The following FRMD4B variants were observed in gnomAD, a reference collection of about 807,000 sequenced individuals.
The protein encoded by FRMD4B is FERM domain-containing protein 4B.
Under a neutral mutation model 141.5 loss-of-function variants are expected in FRMD4B, and 74 were observed. That is an observed-to-expected ratio of 0.52 (90% confidence interval 0.43 to 0.63). The LOEUF (loss-of-function observed/expected upper bound fraction) is 0.63, where lower values mean the gene tolerates loss of function less well. Ranked by LOEUF, FRMD4B falls within the 30% of genes least tolerant of loss-of-function variation. The probability of loss-of-function intolerance (pLI) is 0.00; values close to 1 mark genes in which losing one functional copy is unlikely to be tolerated. For missense variants in FRMD4B, 1,366 were observed against 1,253.4 expected (o/e 1.09, Z -1.36); for synonymous variants, 506 against 467.9 (o/e 1.08, Z -1.05).
At chr3:69,180,736 G>T (rs763038680) in intron 21 of FRMD4B, among the ~76,000 whole-genome samples, 163 bp downstream of exon 21, 2 of 152,222 alleles carry the variant, frequency 1.3e-5, no homozygotes, top group Non-Finnish European at 2.9e-5. Context: ...GAGCTGGAAA[G>T]AACTGTTTTT....
intron 1 of FRMD4B, among the ~76,000 whole-genome samples, chr3:69,466,593 C>T (rs563865402): frequency 2.6e-5 from 4 of 152,272 alleles, no homozygotes; most frequent in Non-Finnish European, 5.9e-5. Context: ...ATTGTTGAAA[C>T]CTGCATGCTG....
intron 18 of FRMD4B, among the ~76,000 whole-genome samples, chr3:69,189,222 CA>C (rs71115659): frequency 5.5e-3 from 219 of 39,784 alleles, no homozygotes; most frequent in Non-Finnish European, 7.0e-3. Flanking sequence ...AACTCCATCT[CA>C]AAAAAAAAAA....
chr3:69,491,733 C>T (rs891815035), intron 1 of FRMD4B, among the ~76,000 whole-genome samples: 1 of 152,184 alleles, frequency 6.6e-6, no homozygotes, highest in African/African-American at 2.4e-5. Context: ...CCATGAGAGA[C>T]ATCACATCCA....
intron 21 of FRMD4B, among the ~76,000 whole-genome samples, chr3:69,177,242 G>C (rs918901328): frequency 6.6e-6 from 1 of 152,160 alleles, no homozygotes; most frequent in Non-Finnish European, 1.5e-5. Flanking sequence ...AGGAGGCTGA[G>C]ACAGGAGAAA....
At chr3:69,514,438 C>A (rs1020702665) in intron 1 of FRMD4B, among the ~76,000 whole-genome samples, 1 of 151,950 alleles carries the variant, frequency 6.6e-6, no homozygotes, top group African/African-American at 2.4e-5. Context: ...GCCTGTAATC[C>A]CAACACTTTG....
intron 1 of FRMD4B, among the ~76,000 whole-genome samples, chr3:69,336,283 G>C (rs1400972028): frequency 1.3e-5 from 2 of 152,212 alleles, no homozygotes; most frequent in African/African-American, 4.8e-5. Context: ...ACTGGAGCCT[G>C]TTAGGAATAG....
chr3:69,260,170 T>A (rs1035931700), intron 5 of FRMD4B, among the ~76,000 whole-genome samples: 1 of 152,168 alleles, frequency 6.6e-6, no homozygotes, highest in Non-Finnish European at 1.5e-5. Context: ...CTGGTCTCGC[T>A]TGAGGAGCCC....
At chr3:69,338,531 A>C (rs1165056321) in intron 1 of FRMD4B, among the ~76,000 whole-genome samples, 2 of 151,730 alleles carry the variant, frequency 1.3e-5, no homozygotes, top group Non-Finnish European at 2.9e-5. Flanking sequence ...TGTCCTTTGC[A>C]ACAACATGAA....
At chr3:69,243,137 T>G (rs1168743699) in intron 7 of FRMD4B, among the ~76,000 whole-genome samples, 2 of 152,290 alleles carry the variant, frequency 1.3e-5, no homozygotes, top group East Asian at 3.9e-4. Flanking sequence ...CTGTTATCTT[T>G]GCGGTTTAAG....
chr3:69,356,262 A>G (rs745608579), intron 1 of FRMD4B, among the ~76,000 whole-genome samples: 3 of 152,186 alleles, frequency 2.0e-5, no homozygotes, highest in Non-Finnish European at 4.4e-5. Flanking sequence ...GGTATTGCCA[A>G]AGGAGATTAA....
At chr3:69,286,553 A>C (rs1169430799) in intron 5 of FRMD4B, among the ~76,000 whole-genome samples, 2 of 152,330 alleles carry the variant, frequency 1.3e-5, no homozygotes, top group South Asian at 2.1e-4. Context: ...AAATGAACAC[A>C]TAACATGCTC....
At chr3:69,234,986 T>C (rs1021340157) in intron 7 of FRMD4B, among the ~76,000 whole-genome samples, 1 of 151,040 alleles carries the variant, frequency 6.6e-6, no homozygotes, top group African/African-American at 2.4e-5. Flanking sequence ...CCACCTCTAC[T>C]AAAAATACAA....
At chr3:69,195,640 AT>A (rs2092895665) in intron 14 of FRMD4B, among the ~76,000 whole-genome samples, 1 of 152,144 alleles carries the variant, frequency 6.6e-6, no homozygotes, top group Non-Finnish European at 1.5e-5. Flanking sequence ...CCAAAGAAAA[AT>A]TTCATTTTTC....
intron 1 of FRMD4B, among the ~76,000 whole-genome samples, chr3:69,437,221 C>T (rs530033636): frequency 7.9e-5 from 12 of 151,816 alleles, no homozygotes; most frequent in East Asian, 1.9e-4. Flanking sequence ...CACAGGCACG[C>T]GCCACCATGC....
chr3:69,226,038 C>T (rs2093251179), intron 7 of FRMD4B, among the ~76,000 whole-genome samples: 1 of 152,122 alleles, frequency 6.6e-6, no homozygotes, highest in Admixed American at 6.6e-5. Flanking sequence ...CAAGCATTCC[C>T]ATGCAGTAGA....
intron 12 of FRMD4B, 48 bp downstream of exon 12, chr3:69,198,650 T>A (rs1469369167): frequency 5.7e-6 from 5 of 875,116 alleles, no homozygotes; most frequent in Non-Finnish European, 9.4e-6. Context: ...ATAGCAGCGT[T>A]ATTTGTATAG....
At chr3:69,455,763 T>A (rs1474649196) in intron 1 of FRMD4B, among the ~76,000 whole-genome samples, 7 of 152,228 alleles carry the variant, frequency 4.6e-5, no homozygotes, top group Admixed American at 2.6e-4. Flanking sequence ...CAACACTTTG[T>A]AATTCCAATT....
rs1442446412 is a variant in FRMD4B at position 69,216,486 on chromosome 3, CAGTGG to C, written c.790-142_790-138del. On this transcript the variant is annotated intron_variant, in intron 10 of 22. Coordinates refer to ENST00000398540, the MANE Select transcript of FRMD4B (RefSeq NM_015123.3). ...CTCATTCTGTCACCAGGCTGGAGTGCAGTGGCATGATCTCGGCTCACTGCAATCTC... is the reference window on the plus strand; with the variant it reads ...CTCATTCTGTCACCAGGCTGGAGTGCCATGATCTCGGCTCACTGCAATCTC... 5.3e-6 allele frequency: 3 copies of C among 563,028 alleles called. No individual in the cohort carries two copies. The African/African-American group carries it at 6.2e-5, about 12-fold the overall frequency. The allele number at this position is 563,028 out of a possible 1,614,324, so 34.9% of individuals were successfully genotyped here. A position where few individuals can be genotyped will look rare whatever the true frequency, so the allele number is the denominator to read the frequency against.
chr3:69,194,981 G>C (rs1165735908), intron 16 of FRMD4B, 41 bp downstream of exon 16: 3 of 1,582,210 alleles, frequency 1.9e-6, no homozygotes, highest in Admixed American at 1.8e-5. Flanking sequence ...CAGCTTTCCT[G>C]TCTTATGATT....
Sources: gnomAD v4.1 joint callset for allele counts (sites outside exome capture counted in the v4.1 genomes callset) on GRCh38, gnomAD v4.1.1 for gene constraint, MANE v1.5 for transcripts, NCBI Gene and HGNC (gene_info 2026-07-23, HGNC 2026-07-21) for gene names.